The following HSP90AB1 variants were observed in gnomAD, a reference collection of about 807,000 sequenced individuals.
HSP90AB1 encodes the protein heat shock protein 90 alpha family class B member 1.
A neutral mutation model predicts 67.8 loss-of-function variants in HSP90AB1; 17 were observed. The ratio of observed to expected loss-of-function variants is 0.25; its 90% CI spans 0.17 to 0.38. HSP90AB1 has a LOEUF of 0.38. Ranked by LOEUF, HSP90AB1 falls within the 10% of genes least tolerant of loss-of-function variation. HSP90AB1 has a pLI of 1.00. For missense variants in HSP90AB1, 690 were observed against 899.9 expected (o/e 0.77, Z 2.98); for synonymous variants, 390 against 312.9 (o/e 1.25, Z -2.60).
At position 44,250,166 on chromosome 6, in the gene HSP90AB1, CTT is replaced by C; in HGVS notation, c.648+15_648+16del. The C allele has an allele frequency of 1.2e-6, 2 of 1,614,032 alleles. No individual in the cohort carries two copies. On this transcript the variant is annotated intron_variant, in intron 5 of 11. Coordinates refer to ENST00000371646, the MANE Select transcript of HSP90AB1 (RefSeq NM_007355.4). The stretch of plus-strand genomic sequence containing the variant: ...CCATCACCCTTTATGTGAGTATGGA[CTT>C]TTAAATCTTTTACACTTAACGTGCA...
In HSP90AB1 at chr6:44,250,401, G is replaced by A. The variant is rs1561899349; in HGVS notation, c.759G>A (p.Val253=). Reference sequence around the variant, plus strand: ...AAGAAAAACCCAAGATCGAAGATGTGGGTTCAGATGAGGAGGATGACAGCG... The same window carrying A: ...AAGAAAAACCCAAGATCGAAGATGTAGGTTCAGATGAGGAGGATGACAGCG... ...DDEEKPKIED[V]GSDEEDDSGK... Residue 253 remains valine (V), a synonymous_variant, in exon 6 of 12, where the codon GTG becomes GTA. Coordinates refer to ENST00000371646, the MANE Select transcript of HSP90AB1 (RefSeq NM_007355.4). The A allele has an allele frequency of 6.2e-7, 1 of 1,613,654 alleles. No individual in the cohort carries two copies. Among genetic ancestry groups the A allele is most frequent in the East Asian group, 2.2e-5 (1 of 44,882 alleles).
At chr6:44,246,530 C>A (rs1582977410), upstream of HSP90AB1, among the ~76,000 whole-genome samples, 1 of 152,210 alleles carries the variant, frequency 6.6e-6, no homozygotes, top group Non-Finnish European at 1.5e-5. Flanking sequence ...CCCCGGCCGG[C>A]GCCCTCCCCC....
intron 8 of HSP90AB1, 25 bp from the exon 9 acceptor site, chr6:44,251,712 G>A (rs751029958): frequency 6.2e-7 from 1 of 1,607,726 alleles, no homozygotes. Context: ...AAGCTGGATT[G>A]TTTTTCCTCT....
intron 5 of HSP90AB1, 27 bp downstream of exon 5, chr6:44,250,181 C>T (rs1229800917): frequency 1.9e-6 from 3 of 1,613,788 alleles, no homozygotes; most frequent in African/African-American, 1.3e-5. Flanking sequence ...AAATCTTTTA[C>T]ACTTAACGTG....
chr6:44,250,211 G>C, intron 5 of HSP90AB1, 57 bp downstream of exon 5: 1 of 1,612,270 alleles, frequency 6.2e-7, no homozygotes, highest in Non-Finnish European at 8.5e-7. Flanking sequence ...TCCTGTTCTG[G>C]AGAATCTCAT....
In HSP90AB1 at chr6:44,252,018, G is replaced by A. The variant is rs1171021513; in HGVS notation, c.1482G>A (p.Val494=). 1 of 1,614,188 alleles carries A rather than the reference G, an allele frequency of 6.2e-7. No individual in the cohort carries two copies. Among genetic ancestry groups the A allele is most frequent in the Admixed American group, 1.7e-5 (1 of 60,026 alleles). ...CTACAGGTGAGAGCAAAGAGCAGGT[G>A]GCCAACTCAGCTTTTGTGGAGCGAG... ...YYITGESKEQ[V]ANSAFVERVR... is the part of the protein sequence containing the mutation. The change falls in exon 10 of 12, where the codon GTG becomes GTA. Residue 494 remains valine (V), a synonymous_variant. Transcript: ENST00000371646.
intron 7 of HSP90AB1, 69 bp from the exon 8 acceptor site, chr6:44,251,349 G>C (rs1780621157): frequency 3.9e-6 from 6 of 1,544,148 alleles, no homozygotes; most frequent in Non-Finnish European, 5.3e-6. Flanking sequence ...AGAGCCTTCT[G>C]TTTGAATCTG....
Position 44,248,617 on chromosome 6 carries a change from A to G in HSP90AB1, c.1-13A>G. On this transcript the variant is annotated splice_polypyrimidine_tract_variant and intron_variant, in intron 1 of 11. Transcript: ENST00000371646. ...TTAGTGTTCTTTTGTAATTAATGAG[A>G]TTTTTATTTTAGATGCCTGAGGAAG... The G allele has an allele frequency of 2.5e-6, 4 of 1,596,188 alleles. No homozygotes were observed. Among genetic ancestry groups the G allele is most frequent in the Non-Finnish European group, 2.6e-6 (3 of 1,174,854 alleles).
intron 6 of HSP90AB1, among the ~76,000 whole-genome samples, 158 bp from the exon 7 acceptor site, chr6:44,250,890 G>A (rs909288260): frequency 4.6e-5 from 7 of 152,228 alleles, no homozygotes; most frequent in Non-Finnish European, 8.8e-5. Context: ...CATCTAGATC[G>A]TGGAGGGCAT....
chr6:44,252,082 C>T lies in HSP90AB1; in HGVS notation c.1546C>T (p.Pro516Ser), dbSNP rs1282050037. ...CTTCGAGGTGGTATATATGACCGAGCCCATTGACGAGTACTGTGTGCAGCA... is the reference window on the plus strand; with the variant it reads ...CTTCGAGGTGGTATATATGACCGAGTCCATTGACGAGTACTGTGTGCAGCA... The part of the protein sequence containing the change: ...RGFEVVYMTE[P>S]IDEYCVQQLK... Residue 516 changes from proline (P) to serine (S), a missense_variant, in exon 10 of 12, where the codon CCC becomes TCC. Coordinates refer to ENST00000371646, the MANE Select transcript of HSP90AB1 (RefSeq NM_007355.4). 6.2e-7 allele frequency: 1 copy of T among 1,614,082 alleles called. No individual in the cohort carries two copies. The highest frequency in any genetic ancestry group is 8.5e-7 in the Non-Finnish European group (1 of 1,180,018).
At chr6:44,248,031 T>C (rs1223123792) in intron 1 of HSP90AB1, 1 of 152,374 alleles carries the variant, frequency 6.6e-6, no homozygotes, top group Non-Finnish European at 1.5e-5. Context: ...AGGGTCGTGG[T>C]GGAGCTTTTG....
Position 44,253,295 on chromosome 6 carries a change from C to T in HSP90AB1, c.1982C>T (p.Thr661Ile). ...VKDLVVLLFE[T>I]ALLSSGFSLE... Reference sequence around the variant, plus strand: ...GACCTGGTGGTGCTGCTGTTTGAAACCGCCCTGCTATCTTCTGGCTTTTCC... The same window carrying T: ...GACCTGGTGGTGCTGCTGTTTGAAATCGCCCTGCTATCTTCTGGCTTTTCC... Residue 661 changes from threonine to isoleucine, a missense_variant, in exon 11 of 12, where the codon ACC becomes ATC. By Grantham distance (89) the Thr-to-Ile change is moderately conservative (BLOSUM62 -1). Coordinates refer to ENST00000371646, the MANE Select transcript of HSP90AB1 (RefSeq NM_007355.4). 3 of 1,614,216 alleles carry T rather than the reference C, an allele frequency of 1.9e-6. No individual in the cohort carries two copies. The highest frequency in any genetic ancestry group is 2.5e-6 in the Non-Finnish European group (3 of 1,180,042).
chr6:44,248,237 A>T (rs1045271930), intron 1 of HSP90AB1, among the ~76,000 whole-genome samples: 1 of 151,688 alleles, frequency 6.6e-6, no homozygotes, highest in Non-Finnish European at 1.5e-5. Flanking sequence ...CCCCAAATAA[A>T]GAACTGTAGG....
chr6:44,252,575 A>C (rs1022561370), intron 10 of HSP90AB1, among the ~76,000 whole-genome samples: 1 of 151,798 alleles, frequency 6.6e-6, no homozygotes, highest in South Asian at 2.1e-4. Flanking sequence ...TGCTCATTGC[A>C]AGCTCCGCCT....
Position 44,250,063 on chromosome 6 carries a change from A to C in HSP90AB1, c.557A>C (p.Lys186Thr). The change falls in exon 5 of 12, where the codon AAA becomes ACA. Residue 186 changes from lysine to threonine, a missense_variant. This residue lies in a region of HSP90AB1 where 146 missense variants were observed against 143.7 expected (regional missense o/e 1.02). Coordinates refer to ENST00000371646, the MANE Select transcript of HSP90AB1 (RefSeq NM_007355.4). ...GRGTKVILHLKEDQTEYLEER... is the reference protein window; with the variant it reads ...GRGTKVILHLTEDQTEYLEER... Reference sequence around the variant, plus strand: ...GGTACCAAAGTGATCCTCCATCTTAAAGAAGATCAGACAGAGTACCTAGAA... The same window carrying C: ...GGTACCAAAGTGATCCTCCATCTTACAGAAGATCAGACAGAGTACCTAGAA... The C allele has an allele frequency of 6.2e-7, 1 of 1,614,074 alleles. No individual in the cohort carries two copies. Among genetic ancestry groups the C allele is most frequent in the Non-Finnish European group, 8.5e-7 (1 of 1,179,926 alleles).
In HSP90AB1 at chr6:44,251,402, C is replaced by T. The variant is rs182390054; in HGVS notation, c.1124-16C>T. 119 of 1,596,480 alleles carry T rather than the reference C, an allele frequency of 7.5e-5. No individual in the cohort carries two copies. The Admixed American group carries it at 8.7e-4, about 12-fold the overall frequency. On this transcript the variant is annotated splice_polypyrimidine_tract_variant and intron_variant, in intron 7 of 11. Transcript: ENST00000371646. ...AGCTGTTTTTTACTGAGCTTTCTCA[C>T]CCTGGTTGATGGCAGATTTTATCCG...
At chr6:44,252,903 A>G (rs373365105) in intron 10 of HSP90AB1, 142 bp from the exon 11 acceptor site, 26 of 651,192 alleles carry the variant, frequency 4.0e-5, no homozygotes, top group Middle Eastern at 2.6e-4. Flanking sequence ...TTTTGTAGAC[A>G]GGGTTTTGCC....
At position 44,250,017 on chromosome 6, in the gene HSP90AB1, C is replaced by T. The variant is rs1396570299; in HGVS notation, c.515-4C>T. On this transcript the variant is annotated splice_polypyrimidine_tract_variant and splice_region_variant and intron_variant, in intron 4 of 11. Coordinates refer to ENST00000371646, the MANE Select transcript of HSP90AB1 (RefSeq NM_007355.4). ...TGTTACACGCTTGTAATTGACTCTT[C>T]TAGGTGAGCCCATTGGCAGGGGTAC... The T allele has an allele frequency of 2.5e-6, 4 of 1,613,950 alleles. No homozygotes were observed. The highest frequency in any genetic ancestry group is 3.4e-6 in the Non-Finnish European group (4 of 1,179,938).
intron 10 of HSP90AB1, among the ~76,000 whole-genome samples, chr6:44,252,631 C>G (rs1049416873): frequency 1.2e-4 from 19 of 152,034 alleles, no homozygotes; most frequent in South Asian, 2.1e-4. Context: ...GAGTAGCTGC[C>G]ACTACAGGCG....
Sources: allele counts gnomAD v4.1 joint callset (sites outside exome capture counted in the v4.1 genomes callset), GRCh38; gene constraint gnomAD v4.1.1; regional missense constraint gnomAD v4.1.1; transcripts MANE v1.5; gene names NCBI Gene and HGNC (gene_info 2026-07-23, HGNC 2026-07-21).